Variants in GRID2 observed in about 807,000 individuals in gnomAD.
GRID2 encodes the protein glutamate receptor ionotropic, delta-2.
A neutral mutation model predicts 114.8 loss-of-function variants in GRID2; 33 were observed. The ratio of observed to expected loss-of-function variants is 0.29; its 90% CI spans 0.22 to 0.38. The LOEUF is 0.38. GRID2 is among the 10% of genes least tolerant of loss of function. GRID2 has a pLI of 1.00. For missense variants in GRID2, 1,184 were observed against 1,257.7 expected, an observed-to-expected ratio of 0.94 and a Z score of 0.89; for synonymous variants, 505 against 449.9, an observed-to-expected ratio of 1.12 and a Z score of -1.55.
chr4:92,562,436 A>G (rs1727140761), intron 1 of GRID2, among the ~76,000 whole-genome samples: 1 of 152,218 alleles, frequency 6.6e-6, no homozygotes, highest in African/African-American at 2.4e-5. Flanking sequence ...GAGGGTAAGT[A>G]CCATAACTTC....
chr4:92,794,412 C>T (rs540289027), intron 2 of GRID2, among the ~76,000 whole-genome samples: 2 of 151,766 alleles, frequency 1.3e-5, no homozygotes. Context: ...TATACATTAT[C>T]TCTTAGTTAT....
chr4:93,807,304 C>G (rs896654898), exon 2 of GRID2: 2 of 152,172 alleles, frequency 1.3e-5, no homozygotes, highest in Non-Finnish European at 2.9e-5. Flanking sequence ...CATGAAGGAC[C>G]AAGGAGAATG....
Position 93,366,464 on chromosome 4 carries a change from A to T in GRID2, c.1246-29143A>T, listed in dbSNP as rs534862215. 3.3e-5 allele frequency among the ~76,000 whole-genome samples: 5 copies of T among 152,016 alleles called. No homozygotes were observed. In the South Asian group the frequency reaches 1.0e-3, roughly 32 times the overall value. ...TGGTCACACTGGTTGATCTCTCAAA[A>T]CCCTGTCTCCTGATAAGATGTTGTC... On this transcript the variant is annotated intron_variant, in intron 8 of 15. Transcript: ENST00000282020.
At chr4:92,842,710 T>G (rs2149411783) in intron 2 of GRID2, among the ~76,000 whole-genome samples, 1 of 151,986 alleles carries the variant, frequency 6.6e-6, no homozygotes, top group South Asian at 2.1e-4. Context: ...AAGATAAGAC[T>G]TAGAAGAAAA....
chr4:93,802,422 AAG>A lies in GRID2; in HGVS notation c.222-4281_222-4280del, dbSNP rs200993920. ...TGTGTGTGTGTGACAGAGAGAGAGA[AAG>A]AGAGAGAGAGATGTATTGAACATAA... On this transcript the variant is annotated intron_variant, in intron 1 of 1. Coordinates refer to the GRID2 transcript ENST00000637838. 6.2e-3 allele frequency among the ~76,000 whole-genome samples: 928 copies of A among 150,662 alleles called. 6 individuals carry two copies. Among genetic ancestry groups the A allele is most frequent in the African/African-American group, 0.021 (852 of 41,256 alleles).
chr4:92,572,699 T>C (rs1727689710), intron 1 of GRID2, among the ~76,000 whole-genome samples: 2 of 152,150 alleles, frequency 1.3e-5, no homozygotes, highest in African/African-American at 4.8e-5. Flanking sequence ...ATAAACTTTT[T>C]GATGTGCTGT....
intron 2 of GRID2, chr4:92,834,033 A>G (rs1207180528): frequency 6.6e-6 from 1 of 152,220 alleles, no homozygotes; most frequent in Non-Finnish European, 1.5e-5. Flanking sequence ...TTTTTTTAGC[A>G]GCATTGATTT....
intron 1 of GRID2, among the ~76,000 whole-genome samples, chr4:92,336,975 T>TC (rs1727216858): frequency 6.8e-6 from 1 of 146,240 alleles, no homozygotes; most frequent in African/African-American, 2.5e-5. Context: ...TTTTTTTTTT[T>TC]CATGAATTTT....
intron 2 of GRID2, among the ~76,000 whole-genome samples, chr4:92,876,689 A>T (rs1050990078): frequency 1.3e-5 from 2 of 152,194 alleles, no homozygotes; most frequent in African/African-American, 4.8e-5. Context: ...AAAATGCATC[A>T]TCTGAGATCT....
At chr4:93,536,608 A>G (rs1325152657) in intron 13 of GRID2, among the ~76,000 whole-genome samples, 1 of 151,356 alleles carries the variant, frequency 6.6e-6, no homozygotes, top group Non-Finnish European at 1.5e-5. Context: ...AGGAAGAGCC[A>G]TGCCATTGGT....
intron 4 of GRID2, among the ~76,000 whole-genome samples, chr4:93,163,859 T>A (rs1462703229): frequency 6.6e-6 from 1 of 151,940 alleles, no homozygotes; most frequent in Non-Finnish European, 1.5e-5. Context: ...CTGGACAGAA[T>A]GTAAGAGTTA....
chr4:92,446,836 T>C (rs923323364), intron 1 of GRID2, among the ~76,000 whole-genome samples: 1 of 152,220 alleles, frequency 6.6e-6, no homozygotes, highest in African/African-American at 2.4e-5. Flanking sequence ...TCTGCATGAA[T>C]GATTAACAGC....
At position 93,212,344 on chromosome 4, in the gene GRID2, AT is replaced by A. The variant is rs1205771026; in HGVS notation, c.790-4387del. Among the ~76,000 whole-genome samples the A allele has an allele frequency of 2.4e-4, 37 of 152,128 alleles. No individual in the cohort carries two copies. In the East Asian group the frequency reaches 6.2e-3, roughly 25 times the overall value. ...TAATGTAGAAACTTGAAAACAATAT[AT>A]TTTTTTCATTTGCATTAAGTGTGCT... is the stretch of plus-strand genomic sequence containing the variant. On this transcript the variant is annotated intron_variant, in intron 5 of 15. Transcript: ENST00000282020.
At chr4:93,727,430 T>C (rs1730029889) in intron 14 of GRID2, among the ~76,000 whole-genome samples, 1 of 152,180 alleles carries the variant, frequency 6.6e-6, no homozygotes, top group Admixed American at 6.5e-5. Flanking sequence ...TCATCGAGGA[T>C]ATTGGTCTAA....
At chr4:93,795,885 A>T (rs1013072856) in intron 1 of GRID2, among the ~76,000 whole-genome samples, 5 of 152,200 alleles carry the variant, frequency 3.3e-5, no homozygotes, top group African/African-American at 1.2e-4. Flanking sequence ...AGCATTGAGG[A>T]GCGTGTGGAA....
intron 14 of GRID2, among the ~76,000 whole-genome samples, chr4:93,665,289 T>C (rs1282832473): frequency 6.6e-6 from 1 of 152,178 alleles, no homozygotes; most frequent in African/African-American, 2.4e-5. Context: ...ATTTATATAG[T>C]CCCTCAGATG....
At chr4:93,616,227 T>C (rs905080136) in intron 13 of GRID2, among the ~76,000 whole-genome samples, 1 of 152,176 alleles carries the variant, frequency 6.6e-6, no homozygotes, top group Non-Finnish European at 1.5e-5. Flanking sequence ...AGGTAAGATC[T>C]TTTAATTTTC....
At chr4:93,673,786 G>A (rs1238361727) in intron 14 of GRID2, among the ~76,000 whole-genome samples, 3 of 152,142 alleles carry the variant, frequency 2.0e-5, no homozygotes, top group African/African-American at 7.2e-5. Context: ...ATGCCTTCAA[G>A]GAGTGACAGT....
chr4:93,598,241 G>T (rs2149633731), intron 13 of GRID2, among the ~76,000 whole-genome samples: 1 of 152,244 alleles, frequency 6.6e-6, no homozygotes, highest in Middle Eastern at 3.4e-3. Context: ...ATCACTTATT[G>T]TTATAGCTTC....
Sources: allele counts gnomAD v4.1 joint callset (sites outside exome capture counted in the v4.1 genomes callset), GRCh38; gene constraint gnomAD v4.1.1; transcripts MANE v1.5; gene names NCBI Gene and HGNC (gene_info 2026-07-23, HGNC 2026-07-21).